Variants in COL14A1 observed in about 807,000 individuals in gnomAD.
COL14A1 encodes the protein collagen type XIV alpha 1 chain, also known as collagen alpha-1(XIV) chain.
Under a neutral mutation model 230.3 loss-of-function variants are expected in COL14A1, and 136 were observed. That is an observed-to-expected ratio of 0.59 (90% CI 0.51 to 0.68). The LOEUF (loss-of-function observed/expected upper bound fraction) is 0.68, where lower values mean the gene tolerates loss of function less well. Ranked by LOEUF, COL14A1 falls within the 30% of genes least tolerant of loss-of-function variation. COL14A1 has a pLI of 0.00. For synonymous variants in COL14A1, 792 were observed against 784.1 expected, an observed-to-expected ratio of 1.01 and a Z score of -0.17; for missense variants, 1,976 against 2,215.8, an observed-to-expected ratio of 0.89 and a Z score of 2.17.
chr8:120,184,783 A>C (rs530199102), intron 5 of COL14A1, among the ~76,000 whole-genome samples: 1 of 152,176 alleles, frequency 6.6e-6, no homozygotes, highest in Non-Finnish European at 1.5e-5. Context: ...AAAGCAACAT[A>C]TGAGCTCAAG....
In COL14A1 at chr8:120,300,790, A is replaced by G. The variant is rs1197104451; in HGVS notation, c.4373A>G (p.Glu1458Gly). Residue 1458 changes from glutamate (E) to glycine (G), a missense_variant, in exon 36 of 48, where the codon GAA (glutamate) becomes GGA (glycine). Glu to Gly is a moderately conservative substitution (Grantham distance 98, BLOSUM62 -2). This residue lies in a region of COL14A1 where 1,791 missense variants were observed against 2,019.5 expected (regional missense o/e 0.89). Transcript: ENST00000297848. The stretch of plus-strand genomic sequence containing the variant: ...TCCTGCTCCTGTTCTGAAACCAATG[A>G]AGTGGCTCTGGGACCAGCGGGCCCA... ...PHSCSCSETN[E>G]VALGPAGPPG... The G allele has an allele frequency of 6.2e-7, 1 of 1,613,662 alleles. No individual in the cohort carries two copies. The highest frequency in any genetic ancestry group is 1.7e-5 in the Admixed American group (1 of 59,994).
intron 12 of COL14A1, among the ~76,000 whole-genome samples, chr8:120,210,119 C>T (rs10104829): frequency 0.012 from 1,837 of 152,102 alleles, 37 homozygotes; most frequent in African/African-American, 0.042. Context: ...GAAATGGTTT[C>T]GTAGCCTGCT....
At chr8:120,297,042 A>G (rs1385862100) in intron 34 of COL14A1, among the ~76,000 whole-genome samples, 1 of 152,066 alleles carries the variant, frequency 6.6e-6, no homozygotes, top group Non-Finnish European at 1.5e-5. Context: ...GAATGAAGTG[A>G]TAATTAATTC....
chr8:120,138,822 T>C (rs1181867319), intron 1 of COL14A1, among the ~76,000 whole-genome samples: 1 of 152,168 alleles, frequency 6.6e-6, no homozygotes, highest in African/African-American at 2.4e-5. Flanking sequence ...CCTATTTCTT[T>C]TGTTGTTGTT....
Position 120,313,993 on chromosome 8 carries a change from A to C in COL14A1, c.4517A>C (p.Gln1506Pro). 1 of 1,612,956 alleles carries C rather than the reference A, an allele frequency of 6.2e-7. No individual in the cohort carries two copies. Among genetic ancestry groups the C allele is most frequent in the African/African-American group, 1.3e-5 (1 of 75,004 alleles). Residue 1506 changes from glutamine (Q) to proline (P), a missense_variant, in exon 38 of 48, where the codon CAA becomes CCA. Gln to Pro is a moderately conservative substitution (Grantham distance 76, BLOSUM62 -1). Around this residue, in one of 3 missense-constraint regions of COL14A1, gnomAD observed 1,791 missense variants for 2,019.5 expected, o/e 0.89. Transcript: ENST00000297848. ...GGACCTCAGGGTCCACCTGGACCTC[A>C]AGGACCAAGTGGTCTGTCCATTCAA... ...LPGPQGPPGP[Q>P]GPSGLSIQGM...
At chr8:120,337,401 T>TAAAAAAAAAAAAAAAAAAAAA (rs60418574) in intron 42 of COL14A1, among the ~76,000 whole-genome samples, 1 of 129,456 alleles carries the variant, frequency 7.7e-6, no homozygotes. Flanking sequence ...GTCTCAAAAT[T>TAAAAAAAAAAAAAAAAAAAAA]AAAAAAAAAA....
At chr8:120,247,514 A>T in intron 20 of COL14A1, 99 bp from the exon 21 acceptor site, 1 of 1,143,388 alleles carries the variant, frequency 8.7e-7, no homozygotes. Flanking sequence ...AATATTTTTA[A>T]TTTTGTGGGA....
intron 40 of COL14A1, among the ~76,000 whole-genome samples, chr8:120,326,108 G>A (rs558905871): frequency 1.5e-4 from 23 of 152,292 alleles, no homozygotes; most frequent in African/African-American, 5.5e-4. Flanking sequence ...GAGAAGAAGG[G>A]CCTGAACCCT....
intron 8 of COL14A1, among the ~76,000 whole-genome samples, chr8:120,201,554 C>T (rs563174351): frequency 1.3e-5 from 2 of 152,230 alleles, no homozygotes; most frequent in South Asian, 2.1e-4. Flanking sequence ...TTTAACCATA[C>T]GGTAGCTTCA....
intron 5 of COL14A1, among the ~76,000 whole-genome samples, chr8:120,174,589 C>T (rs1399136211): frequency 6.6e-6 from 1 of 152,158 alleles, no homozygotes; most frequent in Non-Finnish European, 1.5e-5. Flanking sequence ...TATGTTTGAA[C>T]ATATGTTTAC....
At chr8:120,172,861 C>T (rs757380086) in intron 5 of COL14A1, among the ~76,000 whole-genome samples, 4 of 152,166 alleles carry the variant, frequency 2.6e-5, no homozygotes, top group African/African-American at 4.8e-5. Context: ...TCTTGTCTCC[C>T]GTTCCAGCAT....
intron 5 of COL14A1, among the ~76,000 whole-genome samples, chr8:120,183,856 T>C (rs2130651337): frequency 6.6e-6 from 1 of 152,300 alleles, no homozygotes; most frequent in Non-Finnish European, 1.5e-5. Flanking sequence ...TCTTTCCTTC[T>C]TCCTTCCCTC....
chr8:120,212,342 G>T (rs1247576942), intron 12 of COL14A1, 106 bp from the exon 13 acceptor site: 3 of 1,111,614 alleles, frequency 2.7e-6, no homozygotes, highest in Non-Finnish European at 3.9e-6. Flanking sequence ...GGTTGTAACA[G>T]GACGTAAAGT....
intron 4 of COL14A1, among the ~76,000 whole-genome samples, chr8:120,165,604 C>A (rs1815838812): frequency 6.6e-6 from 1 of 152,156 alleles, no homozygotes; most frequent in African/African-American, 2.4e-5. Flanking sequence ...TATTTTCCAA[C>A]TGATTTTGCC....
At position 120,283,648 on chromosome 8, in the gene COL14A1, AG is replaced by A. The variant is rs1191345040; in HGVS notation, c.3838del (p.Glu1280LysfsTer30). On this transcript the variant is annotated frameshift_variant, in exon 32 of 48. Coordinates refer to ENST00000297848, the MANE Select transcript of COL14A1 (RefSeq NM_021110.4). LOFTEE classifies it high-confidence loss of function. ...VSQPTRYLHP[E>X]GLPSDYTISF... is the part of the protein sequence containing the mutation. ...TTTCTATGTTCAGGTACTTGCACCCAGAAGGATTGCCCTCCGACTACACAAT... is the reference window on the plus strand; with the variant it reads ...TTTCTATGTTCAGGTACTTGCACCCAAAGGATTGCCCTCCGACTACACAAT... 1.9e-6 allele frequency: 3 copies of A among 1,610,580 alleles called. No homozygotes were observed.
intron 13 of COL14A1, among the ~76,000 whole-genome samples, chr8:120,214,274 G>C (rs554970954): frequency 6.6e-6 from 1 of 152,248 alleles, no homozygotes; most frequent in Admixed American, 6.5e-5. Context: ...CGTTGGCCAA[G>C]TTACTTCAAT....
In COL14A1 at chr8:120,203,772, T is replaced by C. The variant is rs142531360; in HGVS notation, c.941T>C (p.Val314Ala). ...EIASEPDSTH[V>A]YNVAEFDLMH... ...GCCTCTGAACCAGACAGCACTCATG[T>C]GTACAATGTTGCCGAATTCGATCTG... The change falls in exon 9 of 48, where the codon GTG becomes GCG. Residue 314 changes from valine (V) to alanine (A), a missense_variant. Val to Ala is a moderately conservative substitution (Grantham distance 64, BLOSUM62 0). Around this residue, in one of 3 missense-constraint regions of COL14A1, gnomAD observed 1,791 missense variants for 2,019.5 expected, o/e 0.89. Transcript: ENST00000297848. 3.1e-6 allele frequency: 5 copies of C among 1,613,812 alleles called. No individual in the cohort carries two copies. The African/African-American group carries it at 4.0e-5, about 13-fold the overall frequency.
chr8:120,187,621 G>C (rs187326479), intron 5 of COL14A1, among the ~76,000 whole-genome samples: 25 of 152,306 alleles, frequency 1.6e-4, no homozygotes, highest in Non-Finnish European at 3.4e-4. Flanking sequence ...CATGATGTCA[G>C]TAACACAATA....
At chr8:120,194,107 C>G (rs1816942181) in intron 5 of COL14A1, among the ~76,000 whole-genome samples, 1 of 152,198 alleles carries the variant, frequency 6.6e-6, no homozygotes, top group South Asian at 2.1e-4. Context: ...CCCGGTACCT[C>G]AGATGGAAAT....
Sources: allele counts gnomAD v4.1 joint callset (sites outside exome capture counted in the v4.1 genomes callset), GRCh38; gene constraint gnomAD v4.1.1; regional missense constraint gnomAD v4.1.1; transcripts MANE v1.5; gene names NCBI Gene and HGNC (gene_info 2026-07-23, HGNC 2026-07-21).